Variants in ACTR3C observed in about 807,000 individuals in gnomAD.
ACTR3C encodes the protein actin-related protein 3C.
Under a neutral mutation model 26.3 loss-of-function variants are expected in ACTR3C, and 18 were observed. That is an observed-to-expected ratio of 0.68 (90% CI 0.47 to 1.01). ACTR3C has a LOEUF of 1.01. Ranked by LOEUF, ACTR3C falls within the 50% of genes least tolerant of loss-of-function variation. The pLI, the probability that ACTR3C is intolerant of heterozygous loss-of-function variation, is 0.00. For missense variants in ACTR3C, 184 were observed against 250.7 expected (o/e 0.73, Z 1.80); for synonymous variants, 55 against 94.5 (o/e 0.58, Z 2.42).
Position 150,286,406 on chromosome 7 carries a change from G to C in ACTR3C, c.432C>G (p.Tyr144Ter). The change falls in exon 5 of 8, where the codon TAC (tyrosine) becomes TAG (stop). Residue 144 changes from tyrosine to a stop codon, truncating the protein, a stop_gained. Transcript: ENST00000683684. LOFTEE classifies it high-confidence loss of function. Reference sequence around the variant, plus strand: ...ATATTTCAGGTCCCAGGAATCTTTCGTAACCAACGTCTATAACAAACTTCT... The same window carrying C: ...ATATTTCAGGTCCCAGGAATCTTTCCTAACCAACGTCTATAACAAACTTCT... ...NQKKFVIDVG[Y>*]ERFLGPEIFF... The C allele has an allele frequency of 6.2e-7, 1 of 1,613,706 alleles. No individual in the cohort carries two copies. The highest frequency in any genetic ancestry group is 1.1e-5 in the South Asian group (1 of 90,970).
the ACTR3C span, among the ~76,000 whole-genome samples, chr7:150,158,351 C>T: frequency 1.3e-5 from 2 of 151,812 alleles, no homozygotes; most frequent in Non-Finnish European, 2.9e-5. Context: ...TCTGGGTGTA[C>T]GTTAAAAAAT....
At chr7:150,277,578 A>T (rs1834981751) in intron 6 of ACTR3C, among the ~76,000 whole-genome samples, 1 of 151,950 alleles carries the variant, frequency 6.6e-6, no homozygotes, top group Non-Finnish European at 1.5e-5. Context: ...GCAACTCAAC[A>T]TCTCCACCAA....
the ACTR3C span, among the ~76,000 whole-genome samples, chr7:150,039,917 G>C: frequency 7.6e-6 from 1 of 131,202 alleles, no homozygotes; most frequent in Non-Finnish European, 1.7e-5. Flanking sequence ...CCTCCCCTGC[G>C]ATGAGGGTGC....
downstream of ACTR3C, among the ~76,000 whole-genome samples, chr7:150,240,289 C>G (rs116654172): frequency 6.6e-6 from 1 of 152,094 alleles, no homozygotes; most frequent in Admixed American, 6.6e-5. Context: ...ATCTTGTTCC[C>G]GAGCTTTTTA....
chr7:150,037,116 G>C, the ACTR3C span, among the ~76,000 whole-genome samples: 4 of 93,096 alleles, frequency 4.3e-5, no homozygotes, highest in East Asian at 1.0e-3. Context: ...AGGGGGGGAA[G>C]AGGGACTGGC....
chr7:150,314,389 A>G (rs1796619538), intron 1 of ACTR3C, among the ~76,000 whole-genome samples: 1 of 152,196 alleles, frequency 6.6e-6, no homozygotes, highest in South Asian at 2.1e-4. Flanking sequence ...TGTTTGCACC[A>G]AAGAACACTG....
the ACTR3C span, among the ~76,000 whole-genome samples, chr7:150,032,932 G>A: frequency 1.4e-4 from 22 of 152,130 alleles, no homozygotes; most frequent in African/African-American, 4.3e-4. Context: ...GGTGGATTCC[G>A]GGCACTTGAC....
the ACTR3C span, among the ~76,000 whole-genome samples, chr7:150,152,416 G>A: frequency 1.4e-4 from 21 of 152,118 alleles, no homozygotes; most frequent in Non-Finnish European, 2.5e-4. Flanking sequence ...TTTTGTCTTT[G>A]GTTCTGTTTA....
the ACTR3C span, among the ~76,000 whole-genome samples, chr7:150,130,536 G>T: frequency 1.3e-5 from 2 of 152,116 alleles, no homozygotes; most frequent in African/African-American, 4.8e-5. Context: ...AGTTACAGGT[G>T]GCAAATAAAT....
the ACTR3C span, among the ~76,000 whole-genome samples, chr7:150,232,610 G>T: frequency 2.7e-5 from 4 of 145,736 alleles, 1 homozygote; most frequent in African/African-American, 1.1e-4. Flanking sequence ...GATCACCTGA[G>T]GTCAGGAGTT....
the ACTR3C span, among the ~76,000 whole-genome samples, chr7:150,143,544 C>T: frequency 2.0e-5 from 3 of 152,196 alleles, no homozygotes; most frequent in African/African-American, 4.8e-5. Flanking sequence ...GACATGGAAC[C>T]TTCCCAGCTC....
chr7:150,289,342 G>A (rs1836032147), intron 4 of ACTR3C, 108 bp downstream of exon 4: 2 of 1,431,786 alleles, frequency 1.4e-6, no homozygotes, highest in South Asian at 1.6e-5. Context: ...ACACTCATGG[G>A]AAGGGGAGAG....
chr7:150,236,857 A>G, the ACTR3C span, among the ~76,000 whole-genome samples: 1 of 149,922 alleles, frequency 6.7e-6, no homozygotes, highest in African/African-American at 2.5e-5. Flanking sequence ...CCTACCTTCC[A>G]GTCTATTAGG....
At chr7:150,316,144 C>T (rs1406944713) in intron 1 of ACTR3C, among the ~76,000 whole-genome samples, 2 of 152,170 alleles carry the variant, frequency 1.3e-5, no homozygotes, top group African/African-American at 4.8e-5. Flanking sequence ...TTGCAGTGAG[C>T]CGAGATCACG....
At chr7:150,078,600 A>AG in the ACTR3C span, among the ~76,000 whole-genome samples, 3 of 151,356 alleles carry the variant, frequency 2.0e-5, no homozygotes, top group East Asian at 1.9e-4. Context: ...TCCCATTGAG[A>AG]GGGGGAGTTG....
the ACTR3C span, among the ~76,000 whole-genome samples, chr7:150,081,342 G>C: frequency 6.6e-6 from 1 of 151,552 alleles, no homozygotes; most frequent in African/African-American, 2.4e-5. Flanking sequence ...AAGGAAGAAG[G>C]TAGAGGCAGA....
At chr7:150,014,328 C>T in the ACTR3C span, among the ~76,000 whole-genome samples, 9 of 151,994 alleles carry the variant, frequency 5.9e-5, no homozygotes, top group Non-Finnish European at 1.0e-4. Flanking sequence ...TGGTGGCGGG[C>T]GCCTGCAGTC....
At chr7:150,239,540 C>CTCTATATA (rs1317088405), downstream of ACTR3C, among the ~76,000 whole-genome samples, 16 of 90,192 alleles carry the variant, frequency 1.8e-4, no homozygotes, top group Admixed American at 1.1e-3. Context: ...CTCTCTCTCT[C>CTCTATATA]TATATATATA....
chr7:150,049,831 T>C, the ACTR3C span, among the ~76,000 whole-genome samples: 1,783 of 125,816 alleles, frequency 0.014, no homozygotes, highest in African/African-American at 0.023. Flanking sequence ...GTAGTTACCC[T>C]TTACTATGAA....
Sources: gnomAD v4.1 joint callset for allele counts (sites outside exome capture counted in the v4.1 genomes callset) on GRCh38, gnomAD v4.1.1 for gene constraint, MANE v1.5 for transcripts, NCBI Gene and HGNC (gene_info 2026-07-23, HGNC 2026-07-21) for gene names.